Variants in NXPE3 observed in about 807,000 individuals in gnomAD.
The protein encoded by NXPE3 is neurexophilin and PC-esterase domain family member 3, also known as NXPE family member 3.
NXPE3 carries 26 observed loss-of-function variants against 46.1 expected under a neutral mutation model. The observed-to-expected ratio is 0.56, with a 90% CI of 0.41 to 0.78. The LOEUF is 0.78. NXPE3 is among the 30% of genes least tolerant of loss of function. NXPE3 has a pLI of 0.00. For missense variants in NXPE3, 620 were observed against 686.0 expected (o/e 0.90, Z 1.07); for synonymous variants, 272 against 257.9 (o/e 1.05, Z -0.52).
intron 6 of NXPE3, among the ~76,000 whole-genome samples, chr3:101,808,846 T>TACATACATAC (rs1560057808): frequency 7.6e-6 from 1 of 130,968 alleles, no homozygotes; most frequent in African/African-American, 2.8e-5. Flanking sequence ...TATATATATA[T>TACATACATAC]ATATATATAT....
At chr3:101,796,976 C>T (rs1197789504) in intron 4 of NXPE3, among the ~76,000 whole-genome samples, 1 of 152,110 alleles carries the variant, frequency 6.6e-6, no homozygotes, top group Non-Finnish European at 1.5e-5. Flanking sequence ...TATTCCCCTG[C>T]AGTTTAACCA....
rs959215660 is a variant in NXPE3 at position 101,822,710 on chromosome 3, A to G, written c.*756A>G. The G allele has an allele frequency of 2.6e-5, 4 of 152,166 alleles. No homozygotes were observed. The highest frequency in any genetic ancestry group is 2.0e-4 in the Admixed American group (3 of 15,266). 9.4% of individuals were successfully genotyped at this position (152,166 alleles called of 1,614,324 possible). A position where few individuals can be genotyped will look rare whatever the true frequency, so the allele number is the denominator to read the frequency against. ...TAGAATAACTACTTTTGGAACTGGA[A>G]GGGGGAAATCTGTAAATGGAAATTT... On this transcript the variant is annotated 3_prime_UTR_variant, in exon 8 of 8. Transcript: ENST00000273347.
At chr3:101,791,711 T>A (rs1253585416) in intron 4 of NXPE3, among the ~76,000 whole-genome samples, 3 of 152,202 alleles carry the variant, frequency 2.0e-5, no homozygotes, top group African/African-American at 7.2e-5. Context: ...TTTAGGTTGA[T>A]TCCATGTCTC....
In NXPE3 at chr3:101,815,709, CA is replaced by C. The variant is rs1298847604; in HGVS notation, c.923-1081del. Among the ~76,000 whole-genome samples the C allele has an allele frequency of 2.6e-5, 4 of 151,688 alleles. 1 individual carries two copies. In the East Asian group the frequency reaches 5.8e-4, roughly 22 times the overall value. On this transcript the variant is annotated intron_variant, in intron 6 of 7. Coordinates refer to ENST00000273347, the MANE Select transcript of NXPE3 (RefSeq NM_145037.4). ...TGAAACCCCATCTGTACTAAAAGTGCAAAAATTGGCCAGGCGTGGTGGCTCA... is the reference window on the plus strand; with the variant it reads ...TGAAACCCCATCTGTACTAAAAGTGCAAAATTGGCCAGGCGTGGTGGCTCA...
intron 1 of NXPE3, 134 bp from the exon 2 acceptor site, chr3:101,781,976 C>T (rs1166288710): frequency 6.6e-6 from 1 of 152,100 alleles, no homozygotes; most frequent in Non-Finnish European, 1.5e-5. Flanking sequence ...AGGAAACGTT[C>T]CTATGCCCAC....
intron 4 of NXPE3, among the ~76,000 whole-genome samples, chr3:101,792,514 T>A (rs1295294721): frequency 6.6e-6 from 1 of 152,240 alleles, no homozygotes; most frequent in East Asian, 1.9e-4. Flanking sequence ...GTTTATTGAA[T>A]AGGGAGTCTT....
intron 5 of NXPE3, among the ~76,000 whole-genome samples, chr3:101,804,290 A>G (rs1366539089): frequency 6.6e-6 from 1 of 152,218 alleles, no homozygotes; most frequent in Non-Finnish European, 1.5e-5. Context: ...CTGACTATAA[A>G]TTCTACCATT....
Position 101,822,938 on chromosome 3 carries a change from TTTTGTTTG to T in NXPE3, c.*1000_*1007del, listed in dbSNP as rs761709349. ...TAAGATACTAAAATTCATGACAGTT[TTTTGTTTG>T]TTTGTTTGTTTGTTTTTTGGTATTT... On this transcript the variant is annotated 3_prime_UTR_variant, in exon 8 of 8. Coordinates refer to ENST00000273347, the MANE Select transcript of NXPE3 (RefSeq NM_145037.4). 1.3e-4 allele frequency: 20 copies of T among 152,154 alleles called. No homozygotes were observed. Among genetic ancestry groups the T allele is most frequent in the African/African-American group, 4.6e-4 (19 of 41,488 alleles). The allele number at this position is 152,154 out of a possible 1,614,324, so 9.4% of individuals were successfully genotyped here.
Position 101,801,539 on chromosome 3 carries a change from A to C in NXPE3, c.398A>C (p.Gln133Pro). ...GTGCTGGTTCATGTGCAGGATTTTC[A>C]AAGAAAGCCCAAGAAGTATGGTGGA... ...LEVLVHVQDF[Q>P]RKPKKYGGDY... Residue 133 changes from glutamine (Q) to proline (P), a missense_variant, in exon 5 of 8, where the codon CAA becomes CCA. Gln to Pro is a moderately conservative substitution (Grantham distance 76). Around this residue, in one of 3 missense-constraint regions of NXPE3, gnomAD observed 511 missense variants for 528.6 expected, o/e 0.97. Transcript: ENST00000273347. 1 of 1,614,210 alleles carries C rather than the reference A, an allele frequency of 6.2e-7. No individual in the cohort carries two copies. The highest frequency in any genetic ancestry group is 1.1e-5 in the South Asian group (1 of 91,086).
chr3:101,807,091 C>T lies in NXPE3; in HGVS notation c.887C>T (p.Pro296Leu). The change falls in exon 6 of 8, where the codon CCT becomes CTT. Residue 296 changes from proline (P) to leucine (L), a missense_variant. By Grantham distance (98) the Pro-to-Leu change is moderately conservative. Transcript: ENST00000273347. ...AAAATGCCAGTCAACTCCAGTGGAC[C>T]TGATTGGGTAACTGTGATTCCCAGG... is the stretch of plus-strand genomic sequence containing the variant. ...NIKMPVNSSGPDWVTVIPRRI... is the reference protein window; with the variant it reads ...NIKMPVNSSGLDWVTVIPRRI... The T allele has an allele frequency of 6.2e-7, 1 of 1,613,248 alleles. No individual in the cohort carries two copies. Among genetic ancestry groups the T allele is most frequent in the Non-Finnish European group, 8.5e-7 (1 of 1,179,470 alleles).
rs1044516821 is a variant in NXPE3, at chr3:101,779,307, G to A, written c.-515G>A. 2.0e-5 allele frequency: 3 copies of A among 152,390 alleles called. No homozygotes were observed. The highest frequency in any genetic ancestry group is 7.2e-5 in the African/African-American group (3 of 41,462). 9.4% of individuals were successfully genotyped at this position (152,390 alleles called of 1,614,324 possible). On this transcript the variant is annotated 5_prime_UTR_variant, in exon 1 of 8. Transcript: ENST00000273347. ...GATCCCTGGCCCCCGGAGAGCGAAG[G>A]GCGGGCGGGTCCCGGAGGTGAGTGC...
At chr3:101,789,084 G>A (rs989078174) in intron 4 of NXPE3, among the ~76,000 whole-genome samples, 1 of 151,812 alleles carries the variant, frequency 6.6e-6, no homozygotes, top group African/African-American at 2.4e-5. Flanking sequence ...TTCATTTTCT[G>A]TATTTTTTCT....
chr3:101,821,955 C>T lies in NXPE3; in HGVS notation c.*1C>T, dbSNP rs1942279327. ...CTTTGTGTGCCCCTTGGAAACCTAG[C>T]CTGTCTTGGAAGGGACTGGAGGAAT... On this transcript the variant is annotated 3_prime_UTR_variant, in exon 8 of 8. Transcript: ENST00000273347. 2 of 1,611,468 alleles carry T rather than the reference C, an allele frequency of 1.2e-6. No individual in the cohort carries two copies. Among genetic ancestry groups the T allele is most frequent in the Non-Finnish European group, 1.7e-6 (2 of 1,178,122 alleles).
chr3:101,817,010 T>C lies in NXPE3; in HGVS notation c.1129+9T>C. ...TACTACATTTGTTCCAGGTTGGTAC[T>C]GTGCCTTTTGTTTCGTAACTCTTTC... On this transcript the variant is annotated intron_variant, in intron 7 of 7. Transcript: ENST00000273347. 1 of 1,612,238 alleles carries C rather than the reference T, an allele frequency of 6.2e-7. No individual in the cohort carries two copies. Among genetic ancestry groups the C allele is most frequent in the South Asian group, 1.1e-5 (1 of 91,026 alleles).
intron 4 of NXPE3, among the ~76,000 whole-genome samples, chr3:101,789,143 T>C (rs996407726): frequency 1.3e-5 from 2 of 152,218 alleles, no homozygotes; most frequent in African/African-American, 4.8e-5. Flanking sequence ...ATTTCCCTTC[T>C]TCTGTTTACT....
chr3:101,816,359 C>T (rs1223035701), intron 6 of NXPE3, among the ~76,000 whole-genome samples: 1 of 151,840 alleles, frequency 6.6e-6, no homozygotes, highest in East Asian at 1.9e-4. Context: ...TAGTTTGCTG[C>T]ACCTGTCAAC....
intron 4 of NXPE3, among the ~76,000 whole-genome samples, chr3:101,790,434 G>T (rs1940439579): frequency 6.6e-6 from 1 of 152,122 alleles, no homozygotes; most frequent in Admixed American, 6.6e-5. Context: ...GTTTAGAATT[G>T]TGTCCTCTTG....
At chr3:101,811,640 A>G (rs1941710977) in intron 6 of NXPE3, among the ~76,000 whole-genome samples, 2 of 151,836 alleles carry the variant, frequency 1.3e-5, no homozygotes, top group South Asian at 4.1e-4. Context: ...GTGACTCTTC[A>G]TCTAGCATTT....
chr3:101,801,415 G>A lies in NXPE3; in HGVS notation c.274G>A (p.Val92Met). 2 of 1,614,204 alleles carry A rather than the reference G, an allele frequency of 1.2e-6. No individual in the cohort carries two copies. Among genetic ancestry groups the A allele is most frequent in the Non-Finnish European group, 1.7e-6 (2 of 1,180,032 alleles). ...LAALHRQVPDVGPVPFVKSTD... is the reference protein window; with the variant it reads ...LAALHRQVPDMGPVPFVKSTD... Reference sequence around the variant, plus strand: ...TGCCTTGCACCGGCAGGTTCCTGATGTGGGCCCAGTCCCCTTTGTGAAGAG... The same window carrying A: ...TGCCTTGCACCGGCAGGTTCCTGATATGGGCCCAGTCCCCTTTGTGAAGAG... The change falls in exon 5 of 8, where the codon GTG (valine) becomes ATG (methionine). Residue 92 changes from valine (V) to methionine (M), a missense_variant. By Grantham distance (21) the Val-to-Met change is conservative. Transcript: ENST00000273347.
Sources: gnomAD v4.1 joint callset for allele counts (sites outside exome capture counted in the v4.1 genomes callset) on GRCh38, gnomAD v4.1.1 for gene constraint, gnomAD v4.1.1 regional missense constraint, MANE v1.5 for transcripts, NCBI Gene and HGNC (gene_info 2026-07-23, HGNC 2026-07-21) for gene names.